Variants in USP48 observed in about 807,000 individuals in gnomAD.
USP48 encodes ubiquitin specific peptidase 48, also known as ubiquitin carboxyl-terminal hydrolase 48.
USP48 carries 43 observed loss-of-function variants against 150.7 expected under a neutral mutation model. That is an observed-to-expected ratio of 0.29 (90% CI 0.22 to 0.37). The LOEUF (loss-of-function observed/expected upper bound fraction) is 0.37. Ranked by LOEUF, USP48 falls within the 10% of genes least tolerant of loss-of-function variation. The pLI is 1.00. For missense variants in USP48, 813 were observed against 1,249.6 expected (o/e 0.65, Z 5.27); for synonymous variants, 396 against 425.9 (o/e 0.93, Z 0.86).
chr1:21,721,726 G>T lies in USP48; in HGVS notation c.1687C>A (p.Arg563Ser). ...AGTTGGTTCTTCAGACGCAATATGC[G>T]ACAACGTTCTACTACACATTCCTTA... is the stretch of plus-strand genomic sequence containing the variant. ...LCKECVVERCRILRLKNQLNE... is the reference protein window; with the variant it reads ...LCKECVVERCSILRLKNQLNE... Residue 563 changes from arginine to serine, a missense_variant, in exon 13 of 27, where the codon CGC (arginine) becomes AGC (serine). By Grantham distance (110) the Arg-to-Ser change is moderately radical. Transcript: ENST00000308271. The T allele has an allele frequency of 6.2e-7, 1 of 1,607,340 alleles. No homozygotes were observed. Among genetic ancestry groups the T allele is most frequent in the Non-Finnish European group, 8.5e-7 (1 of 1,176,010 alleles).
At chr1:21,721,556 C>T in intron 13 of USP48, 94 bp downstream of exon 13, 1 of 889,924 alleles carries the variant, frequency 1.1e-6, no homozygotes. Context: ...CTAAAAATCC[C>T]AACTTCCTAT....
At chr1:21,729,199 T>G (rs2097749294) in intron 10 of USP48, among the ~76,000 whole-genome samples, 1 of 151,688 alleles carries the variant, frequency 6.6e-6, no homozygotes, top group African/African-American at 2.4e-5. Flanking sequence ...ACAGAACTGC[T>G]TAAACCCAGG....
rs2097558573 is a variant in USP48 at position 21,679,158 on chromosome 1, GTCTT to G, written c.*255_*258del. The G allele has an allele frequency of 1.8e-6, 1 of 549,616 alleles. No homozygotes were observed. The highest frequency in any genetic ancestry group is 4.3e-4 in the Middle Eastern group (1 of 2,312). 34.0% of individuals were successfully genotyped at this position (549,616 alleles called of 1,614,324 possible). A position where few individuals can be genotyped will look rare whatever the true frequency, so the allele number is the denominator to read the frequency against. On this transcript the variant is annotated 3_prime_UTR_variant, in exon 27 of 27. Transcript: ENST00000308271. The stretch of plus-strand genomic sequence containing the variant: ...CTATTACTGCTACTAAACTTGTTCC[GTCTT>G]TACTTGCCCCCTCCCACCCACCACC...
Position 21,747,080 on chromosome 1 carries a change from A to G in USP48, c.978T>C (p.Tyr326=). ...TAAAAATATTACCTTTATGTTCCAC[A>G]TAAGGCTCCATATCCAAAATTTCTG... ...GFSEILDMEP[Y]VEHKGGSYVY... Residue 326 remains tyrosine (Y), a synonymous_variant, in exon 8 of 27, where the codon TAT becomes TAC. Transcript: ENST00000308271. The G allele has an allele frequency of 6.2e-7, 1 of 1,611,372 alleles. No homozygotes were observed. Among genetic ancestry groups the G allele is most frequent in the Non-Finnish European group, 8.5e-7 (1 of 1,179,210 alleles).
At chr1:21,696,612 T>C (rs1571735245) in intron 22 of USP48, among the ~76,000 whole-genome samples, 2 of 152,256 alleles carry the variant, frequency 1.3e-5, no homozygotes, top group Middle Eastern at 3.4e-3. Flanking sequence ...GGAGTTTTCG[T>C]TAGTTTTCTT....
At chr1:21,738,928 C>T (rs2097774777) in intron 8 of USP48, among the ~76,000 whole-genome samples, 3 of 152,106 alleles carry the variant, frequency 2.0e-5, no homozygotes, top group South Asian at 4.1e-4. Context: ...ACCCACTGAA[C>T]TCACCCCAGC....
intron 3 of USP48, among the ~76,000 whole-genome samples, chr1:21,754,028 G>C (rs541749788): frequency 6.6e-6 from 1 of 152,036 alleles, no homozygotes; most frequent in African/African-American, 2.4e-5. Context: ...GGGCATGGTA[G>C]TACACGCCTG....
At position 21,693,338 on chromosome 1, in the gene USP48, TCCACAC is replaced by T. The variant is rs3835553; in HGVS notation, c.2883+1722_2883+1727del. On this transcript the variant is annotated intron_variant, in intron 23 of 26. Coordinates refer to ENST00000308271, the MANE Select transcript of USP48 (RefSeq NM_032236.8). ...GCAAACCTTACAAACTCTGATGCTA[TCCACAC>T]TGCCAGGCAAATAGGCTCACATCTA... Among the ~76,000 whole-genome samples, 4 of 152,196 alleles carry T rather than the reference TCCACAC, an allele frequency of 2.6e-5. No individual in the cohort carries two copies. In the East Asian group the frequency reaches 7.7e-4, roughly 29 times the overall value.
chr1:21,717,178 C>G (rs2097706944), intron 14 of USP48, among the ~76,000 whole-genome samples: 1 of 151,914 alleles, frequency 6.6e-6, no homozygotes, highest in East Asian at 1.9e-4. Flanking sequence ...CAAAGGCAGG[C>G]AGATCACATG....
chr1:21,680,670 T>C (rs1006336694), intron 26 of USP48, 138 bp downstream of exon 26: 20 of 809,356 alleles, frequency 2.5e-5, no homozygotes, highest in Admixed American at 6.7e-5. Flanking sequence ...GAGTAAGAAA[T>C]GCATTTAACT....
At chr1:21,737,899 A>AT (rs1013378740) in intron 8 of USP48, among the ~76,000 whole-genome samples, 5,034 of 145,308 alleles carry the variant, frequency 0.035, 293 homozygotes, top group African/African-American at 0.12. Flanking sequence ...ATCTTTGACA[A>AT]TTTTTTTTTT....
chr1:21,703,385 G>T, intron 21 of USP48, 127 bp downstream of exon 21: 1 of 557,438 alleles, frequency 1.8e-6, no homozygotes, highest in East Asian at 2.8e-5. Flanking sequence ...TTTCAATTCT[G>T]ATGCCAAACA....
chr1:21,692,547 C>T (rs1020670457), intron 23 of USP48, among the ~76,000 whole-genome samples: 1 of 152,200 alleles, frequency 6.6e-6, no homozygotes, highest in African/African-American at 2.4e-5. Context: ...AACTAAGGGG[C>T]TGACGTTCAC....
At chr1:21,729,650 T>C in intron 10 of USP48, 54 bp downstream of exon 10, 1 of 1,581,212 alleles carries the variant, frequency 6.3e-7, no homozygotes, top group South Asian at 1.2e-5. Flanking sequence ...CATTAATCTT[T>C]GAGTATGGCA....
chr1:21,680,712 G>T, intron 26 of USP48, 96 bp downstream of exon 26: 2 of 1,194,522 alleles, frequency 1.7e-6, no homozygotes, highest in Non-Finnish European at 2.4e-6. Context: ...ACTCAGATTG[G>T]ATTAAAATTT....
In USP48 at chr1:21,678,406, T is replaced by G. The variant is rs1194036723; in HGVS notation, c.*1011A>C. On this transcript the variant is annotated 3_prime_UTR_variant, in exon 27 of 27. Transcript: ENST00000308271. ...CTAAGAATGATAATCCTGAGTTGGA[T>G]GGACAGCACATCCATATACTTTTTT... The G allele has an allele frequency of 2.6e-5, 4 of 152,130 alleles. No homozygotes were observed. The highest frequency in any genetic ancestry group is 5.9e-5 in the Non-Finnish European group (4 of 68,040). 9.4% of individuals were successfully genotyped at this position (152,130 alleles called of 1,614,324 possible). A position where few individuals can be genotyped will look rare whatever the true frequency, so the allele number is the denominator to read the frequency against.
intron 9 of USP48, among the ~76,000 whole-genome samples, chr1:21,733,871 A>C (rs2097762808): frequency 1.3e-5 from 2 of 151,988 alleles, no homozygotes; most frequent in Admixed American, 1.3e-4. Context: ...GGCTCACTGA[A>C]GCCTTGATCT....
chr1:21,756,820 T>TTGTGA, intron 2 of USP48, 118 bp from the exon 3 acceptor site: 1 of 1,454,956 alleles, frequency 6.9e-7, no homozygotes, highest in Middle Eastern at 2.5e-4. Flanking sequence ...ACCAACATGG[T>TTGTGA]ATAGCCACCT....
intron 21 of USP48, among the ~76,000 whole-genome samples, 166 bp from the exon 22 acceptor site, chr1:21,701,768 C>G (rs929578625): frequency 1.3e-5 from 2 of 152,178 alleles, no homozygotes; most frequent in Non-Finnish European, 2.9e-5. Context: ...TCACGGTTTT[C>G]TATGCTCTTT....
Sources: allele counts gnomAD v4.1 joint callset (sites outside exome capture counted in the v4.1 genomes callset), GRCh38; gene constraint gnomAD v4.1.1; transcripts MANE v1.5; gene names NCBI Gene and HGNC (gene_info 2026-07-23, HGNC 2026-07-21).